The following CTNND2 variants were observed in gnomAD, a reference collection of about 807,000 sequenced individuals.
CTNND2 encodes catenin delta 2, also known as catenin delta-2.
A neutral mutation model predicts 144.4 loss-of-function variants in CTNND2; 22 were observed. The observed-to-expected ratio is 0.15, with a 90% CI of 0.11 to 0.22. CTNND2 has a LOEUF of 0.22. Among genes scored for constraint, CTNND2 ranks in the 10% least tolerant of loss-of-function variants. The pLI is 1.00. For missense variants in CTNND2, 1,353 were observed against 1,618.8 expected (o/e 0.84, Z 2.82); for synonymous variants, 751 against 695.6 (o/e 1.08, Z -1.25).
intron 3 of CTNND2, among the ~76,000 whole-genome samples, chr5:11,428,837 T>C (rs1394733946): frequency 6.6e-6 from 1 of 152,230 alleles, no homozygotes; most frequent in African/African-American, 2.4e-5. Flanking sequence ...TTTTGATTTG[T>C]ATAACCTCAT....
At chr5:11,099,245 T>C (rs984490360) in intron 14 of CTNND2, among the ~76,000 whole-genome samples, 3 of 152,190 alleles carry the variant, frequency 2.0e-5, no homozygotes, top group South Asian at 2.1e-4. Context: ...TTGGGTTCTA[T>C]TGTTGCATCT....
intron 2 of CTNND2, among the ~76,000 whole-genome samples, chr5:11,711,229 T>G (rs371242614): frequency 6.6e-6 from 1 of 152,184 alleles, no homozygotes; most frequent in Non-Finnish European, 1.5e-5. Flanking sequence ...CTAATTTTTG[T>G]ATTTTTAGCA....
rs1342838572 is a variant in CTNND2 at position 11,411,554 on chromosome 5, C to G, written c.421G>C (p.Asp141His). 16 of 1,601,510 alleles carry G rather than the reference C, an allele frequency of 1.0e-5. No homozygotes were observed. The highest frequency in any genetic ancestry group is 1.4e-5 in the Non-Finnish European group (16 of 1,169,366). ...LQESGILDPQDYSTGERPSLL... is the reference protein window; with the variant it reads ...LQESGILDPQHYSTGERPSLL... ...GACTTACTTTCACCTGTAGAATAAT[C>G]CTGTGGGTCAAGTATTCCTGATTCC... is the stretch of plus-strand genomic sequence containing the variant. The change falls in exon 5 of 22, where the codon GAT becomes CAT. Residue 141 changes from aspartate (D) to histidine (H), a missense_variant. Transcript: ENST00000304623.
At chr5:11,832,923 A>G (rs1242079958) in intron 1 of CTNND2, among the ~76,000 whole-genome samples, 1 of 152,210 alleles carries the variant, frequency 6.6e-6, no homozygotes. Context: ...CCTGGGCAAC[A>G]GAGTGAGACC....
chr5:11,357,897 T>C (rs1756057186), intron 8 of CTNND2, among the ~76,000 whole-genome samples: 3 of 152,170 alleles, frequency 2.0e-5, no homozygotes, highest in Non-Finnish European at 2.9e-5. Flanking sequence ...TTTTAAGTGA[T>C]AGAGCATGTC....
intron 1 of CTNND2, among the ~76,000 whole-genome samples, chr5:11,866,129 C>T (rs1418661857): frequency 1.3e-5 from 2 of 152,030 alleles, no homozygotes; most frequent in Non-Finnish European, 2.9e-5. Context: ...ATAGAAAGAC[C>T]TCGTCTCTAC....
intron 12 of CTNND2, among the ~76,000 whole-genome samples, chr5:11,140,292 G>A (rs1580398115): frequency 6.6e-6 from 1 of 152,252 alleles, no homozygotes; most frequent in East Asian, 1.9e-4. Flanking sequence ...ACAGGTTCAG[G>A]AAGTGTATTC....
chr5:11,485,314 C>T (rs566957981), intron 3 of CTNND2, among the ~76,000 whole-genome samples: 2 of 151,622 alleles, frequency 1.3e-5, no homozygotes, highest in Admixed American at 6.6e-5. Flanking sequence ...TTTTTAAATG[C>T]CACTTCTTAA....
intron 11 of CTNND2, among the ~76,000 whole-genome samples, chr5:11,195,984 A>G (rs1736820849): frequency 6.6e-6 from 1 of 152,254 alleles, no homozygotes; most frequent in Non-Finnish European, 1.5e-5. Flanking sequence ...AGCAAAATAT[A>G]TTCTGCTGTG....
At chr5:11,719,874 A>ACC (rs1343761231) in intron 2 of CTNND2, among the ~76,000 whole-genome samples, 35 of 140,794 alleles carry the variant, frequency 2.5e-4, no homozygotes, top group African/African-American at 1.0e-3. Flanking sequence ...ACACACACAC[A>ACC]CACCACAGAT....
intron 1 of CTNND2, among the ~76,000 whole-genome samples, chr5:11,780,203 G>A (rs1790470096): frequency 6.6e-6 from 1 of 152,084 alleles, no homozygotes; most frequent in African/African-American, 2.4e-5. Context: ...TCATCCCCTA[G>A]AGTGCCAGCA....
chr5:11,159,598 G>A lies in CTNND2; in HGVS notation c.2137C>T (p.Arg713Cys), dbSNP rs768575356. ...GACCTTAGGCACCCGGTGGCGTTAC[G>A]CAGCACCTGTGATGAATGCAGCTGT... is the stretch of plus-strand genomic sequence containing the variant. ...KIQLHSSQVLRNATGCLRNVS... is the reference protein window; with the variant it reads ...KIQLHSSQVLCNATGCLRNVS... Residue 713 changes from arginine (R) to cysteine (C), a missense_variant, in exon 12 of 22, where the codon CGT (arginine) becomes TGT (cysteine). By Grantham distance (180) the Arg-to-Cys change is radical. This residue lies in a region of CTNND2 where 117 missense variants were observed against 117.8 expected (regional missense o/e 0.99). Transcript: ENST00000304623. 35 of 1,612,050 alleles carry A rather than the reference G, an allele frequency of 2.2e-5. No homozygotes were observed. The highest frequency in any genetic ancestry group is 8.4e-5 in the Admixed American group (5 of 59,738).
intron 10 of CTNND2, among the ~76,000 whole-genome samples, chr5:11,218,218 T>G (rs893973655): frequency 2.6e-5 from 4 of 152,190 alleles, no homozygotes; most frequent in African/African-American, 9.7e-5. Flanking sequence ...CAGGGTAGCA[T>G]CAGGGAAATA....
intron 7 of CTNND2, among the ~76,000 whole-genome samples, chr5:11,382,425 C>A (rs61430609): frequency 0.011 from 1,719 of 152,174 alleles, 32 homozygotes; most frequent in African/African-American, 0.039. Context: ...ATGGTGAAAC[C>A]CAGTCTCTAC....
At chr5:10,997,365 G>A (rs751847589) in intron 18 of CTNND2, among the ~76,000 whole-genome samples, 8 of 152,092 alleles carry the variant, frequency 5.3e-5, no homozygotes, top group African/African-American at 1.7e-4. Context: ...AGGCCGAGGC[G>A]GGCAGATCAC....
At chr5:11,052,198 A>G (rs988470364) in intron 16 of CTNND2, among the ~76,000 whole-genome samples, 1 of 152,050 alleles carries the variant, frequency 6.6e-6, no homozygotes, top group Non-Finnish European at 1.5e-5. Context: ...CTGTGCTTCT[A>G]TTTCTTCTCA....
intron 1 of CTNND2, among the ~76,000 whole-genome samples, chr5:11,901,644 C>T (rs1737894847): frequency 6.6e-6 from 1 of 152,206 alleles, no homozygotes; most frequent in Admixed American, 6.5e-5. Flanking sequence ...TAACTCCTTT[C>T]CGCAAGACTA....
In CTNND2 at chr5:11,742,760, T is replaced by C. The variant is rs546107238; in HGVS notation, c.38-10488A>G. On this transcript the variant is annotated intron_variant, in intron 1 of 21. Coordinates refer to ENST00000304623, the MANE Select transcript of CTNND2 (RefSeq NM_001332.4). ...TTTATTTTGAAAATCTTCCACTGAA[T>C]AGGTGACATTTTAAAGACTCCTACT... 1.8e-4 allele frequency among the ~76,000 whole-genome samples: 28 copies of C among 152,310 alleles called. 1 individual carries two copies. In the South Asian group the frequency reaches 5.0e-3, roughly 27 times the overall value.
chr5:11,714,098 T>C (rs1204612807), intron 2 of CTNND2, among the ~76,000 whole-genome samples: 1 of 152,240 alleles, frequency 6.6e-6, no homozygotes, highest in Non-Finnish European at 1.5e-5. Flanking sequence ...TTAATTTATT[T>C]TTAAAGAGAA....
Sources: gnomAD v4.1 joint callset for allele counts (sites outside exome capture counted in the v4.1 genomes callset) on GRCh38, gnomAD v4.1.1 for gene constraint, gnomAD v4.1.1 regional missense constraint, MANE v1.5 for transcripts, NCBI Gene and HGNC (gene_info 2026-07-23, HGNC 2026-07-21) for gene names.